ADAMTSL1: variants seen among roughly 807,000 people sequenced by gnomAD.
ADAMTSL1 encodes ADAMTS-like protein 1.
In ADAMTSL1, 126 loss-of-function variants were observed where a neutral mutation model predicts 201.8. The ratio of observed to expected loss-of-function variants is 0.62; its 90% CI spans 0.54 to 0.72. The LOEUF (loss-of-function observed/expected upper bound fraction) is 0.72, where lower values mean the gene tolerates loss of function less well. Ranked by LOEUF, ADAMTSL1 falls within the 30% of genes least tolerant of loss-of-function variation. The pLI is 0.00. For missense variants in ADAMTSL1, 2,679 were observed against 2,277.8 expected (o/e 1.18, Z -3.59); for synonymous variants, 1,121 against 903.4 (o/e 1.24, Z -4.32).
chr9:18,653,424 A>G (rs1828420709), intron 7 of ADAMTSL1, among the ~76,000 whole-genome samples: 1 of 152,178 alleles, frequency 6.6e-6, no homozygotes, highest in Non-Finnish European at 1.5e-5. Context: ...TTGTTTCCAG[A>G]GAAGCATCTC....
intron 2 of ADAMTSL1, among the ~76,000 whole-genome samples, chr9:18,527,627 G>A (rs191044628): frequency 3.3e-5 from 5 of 152,080 alleles, no homozygotes; most frequent in Non-Finnish European, 7.4e-5. Flanking sequence ...ATAACATCAG[G>A]ATTTTAAGAA....
chr9:18,206,755 C>A (rs910054604), intron 2 of ADAMTSL1, among the ~76,000 whole-genome samples: 3 of 152,110 alleles, frequency 2.0e-5, no homozygotes, highest in African/African-American at 7.2e-5. Context: ...ATTTTGCGTT[C>A]CTGACTTTTT....
chr9:18,501,187 A>G (rs886860404), intron 1 of ADAMTSL1, among the ~76,000 whole-genome samples: 3 of 152,116 alleles, frequency 2.0e-5, no homozygotes, highest in Non-Finnish European at 2.9e-5. Context: ...TTGCTGCTGT[A>G]AAGTTAAAAG....
intron 2 of ADAMTSL1, among the ~76,000 whole-genome samples, chr9:18,352,378 A>T (rs1412633766): frequency 6.6e-6 from 1 of 152,178 alleles, no homozygotes; most frequent in Non-Finnish European, 1.5e-5. Flanking sequence ...ATGTTGTTCT[A>T]AATCTTCCTT....
intron 23 of ADAMTSL1, among the ~76,000 whole-genome samples, chr9:18,851,514 G>A (rs1826491090): frequency 6.6e-6 from 1 of 152,160 alleles, no homozygotes. Context: ...TAGAGCAGAA[G>A]TGAAAGTTTC....
chr9:18,120,109 C>G (rs941392341), intron 1 of ADAMTSL1, among the ~76,000 whole-genome samples: 2 of 152,164 alleles, frequency 1.3e-5, no homozygotes, highest in Non-Finnish European at 1.5e-5. Flanking sequence ...CAGGCTCTCT[C>G]TAGGGTTACA....
intron 1 of ADAMTSL1, among the ~76,000 whole-genome samples, chr9:17,980,135 G>A (rs990955529): frequency 6.6e-6 from 1 of 152,126 alleles, no homozygotes; most frequent in African/African-American, 2.4e-5. Context: ...GTGTGAAACT[G>A]TTCTTTCTAC....
chr9:17,926,026 C>T (rs1826512682), intron 1 of ADAMTSL1, among the ~76,000 whole-genome samples: 1 of 152,082 alleles, frequency 6.6e-6, no homozygotes, highest in Non-Finnish European at 1.5e-5. Context: ...GGATGTTCTC[C>T]CCATTTCTAC....
intron 2 of ADAMTSL1, among the ~76,000 whole-genome samples, chr9:18,184,482 T>C (rs1828644394): frequency 6.6e-6 from 1 of 152,234 alleles, no homozygotes; most frequent in African/African-American, 2.4e-5. Context: ...CCTAAGAGGA[T>C]ATGATAAGAG....
intron 7 of ADAMTSL1, among the ~76,000 whole-genome samples, chr9:18,643,676 A>G (rs1827591343): frequency 6.6e-6 from 1 of 152,022 alleles, no homozygotes; most frequent in South Asian, 2.1e-4. Context: ...CTTTGTCAGA[A>G]AATCAATTGG....
At chr9:18,714,123 A>G in intron 14 of ADAMTSL1, among the ~76,000 whole-genome samples, 1 of 152,232 alleles carries the variant, frequency 6.6e-6, no homozygotes, top group Non-Finnish European at 1.5e-5. Flanking sequence ...AATTTATAGC[A>G]CTAAATGCCC....
chr9:18,668,607 A>G (rs561693128), intron 9 of ADAMTSL1, among the ~76,000 whole-genome samples: 187 of 152,270 alleles, frequency 1.2e-3, no homozygotes, highest in African/African-American at 4.3e-3. Context: ...GTAACTTCTT[A>G]TCTAGGCCTG....
chr9:18,302,543 C>T (rs1423294964), intron 2 of ADAMTSL1, among the ~76,000 whole-genome samples: 2 of 152,094 alleles, frequency 1.3e-5, no homozygotes, highest in African/African-American at 4.8e-5. Flanking sequence ...ATTTGAAGGC[C>T]TAAACTCAAA....
intron 2 of ADAMTSL1, among the ~76,000 whole-genome samples, chr9:18,379,226 C>T (rs776049175): frequency 1.1e-4 from 16 of 152,186 alleles, no homozygotes; most frequent in African/African-American, 2.7e-4. Flanking sequence ...TCATGCTAAA[C>T]GCCACATCAT....
At chr9:18,515,824 A>C (rs1818333987) in intron 2 of ADAMTSL1, among the ~76,000 whole-genome samples, 1 of 152,184 alleles carries the variant, frequency 6.6e-6, no homozygotes, top group Non-Finnish European at 1.5e-5. Context: ...CCTTGCCCAA[A>C]GTATTAAATG....
chr9:18,698,770 T>C (rs1265564476), intron 13 of ADAMTSL1, among the ~76,000 whole-genome samples: 1 of 152,186 alleles, frequency 6.6e-6, no homozygotes, highest in Non-Finnish European at 1.5e-5. Flanking sequence ...CCATTGGAAA[T>C]GAGACAGAAT....
At chr9:18,324,519 T>C (rs141531748) in intron 2 of ADAMTSL1, among the ~76,000 whole-genome samples, 139 of 151,678 alleles carry the variant, frequency 9.2e-4, no homozygotes, top group African/African-American at 3.2e-3. Flanking sequence ...AATCCCAACA[T>C]TTTGGGAGGC....
At chr9:18,731,619 A>C (rs1818221537) in intron 15 of ADAMTSL1, among the ~76,000 whole-genome samples, 1 of 152,150 alleles carries the variant, frequency 6.6e-6, no homozygotes, top group Non-Finnish European at 1.5e-5. Context: ...AAAAGAAAAA[A>C]AAGGAAGAAA....
intron 2 of ADAMTSL1, among the ~76,000 whole-genome samples, chr9:18,186,197 G>T (rs1039024212): frequency 3.3e-5 from 5 of 152,132 alleles, no homozygotes; most frequent in African/African-American, 1.2e-4. Context: ...TGGACCATAG[G>T]CTGGTTTTTC....
Sources: gnomAD v4.1 joint callset for allele counts (sites outside exome capture counted in the v4.1 genomes callset) on GRCh38, gnomAD v4.1.1 for gene constraint, MANE v1.5 for transcripts, NCBI Gene and HGNC (gene_info 2026-07-23, HGNC 2026-07-21) for gene names.